Variants in RTN4R observed in about 807,000 individuals in gnomAD.
The protein encoded by RTN4R is reticulon 4 receptor.
Under a neutral mutation model 27.7 loss-of-function variants are expected in RTN4R, and 4 were observed. The observed-to-expected ratio is 0.14, with a 90% CI of 0.07 to 0.33. The LOEUF (loss-of-function observed/expected upper bound fraction) is 0.33. RTN4R is among the 10% of genes least tolerant of loss of function. The pLI is 1.00. For synonymous variants in RTN4R, 290 were observed against 305.6 expected, an observed-to-expected ratio of 0.95 and a Z score of 0.53; for missense variants, 554 against 671.5, an observed-to-expected ratio of 0.83 and a Z score of 1.93.
chr22:20,261,702 C>T (rs2051248253), intron 1 of RTN4R, among the ~76,000 whole-genome samples: 2 of 152,364 alleles, frequency 1.3e-5, no homozygotes, highest in African/African-American at 4.8e-5. Context: ...TGATCCTCCT[C>T]ACCGGCGCCT....
chr22:20,251,698 A>G (rs1364062653), intron 1 of RTN4R, among the ~76,000 whole-genome samples: 5 of 151,228 alleles, frequency 3.3e-5, no homozygotes, highest in African/African-American at 9.7e-5. Context: ...CATCACCATC[A>G]CTATCATCAT....
chr22:20,260,194 G>C (rs571262868), intron 1 of RTN4R, among the ~76,000 whole-genome samples: 127 of 152,196 alleles, frequency 8.3e-4, no homozygotes, highest in Admixed American at 1.1e-3. Flanking sequence ...GCCCTAGGGG[G>C]CTCATCTGTA....
In RTN4R at chr22:20,254,419, A is replaced by G. The variant is rs180752951; in HGVS notation, c.23-11309T>C. Among the ~76,000 whole-genome samples the G allele has an allele frequency of 2.2e-3, 330 of 150,076 alleles. 3 individuals carry two copies. In the Middle Eastern group the frequency reaches 0.034, roughly 15 times the overall value. ...ACTCCAGCCTGGGTGACAGAGTGAG[A>G]CTTTCTCCAAAAAAACACACAACAA... is the stretch of plus-strand genomic sequence containing the variant. On this transcript the variant is annotated intron_variant, in intron 1 of 1. Coordinates refer to ENST00000043402, the MANE Select transcript of RTN4R (RefSeq NM_023004.6).
At position 20,268,096 on chromosome 22, in the gene RTN4R, AG is replaced by A; in HGVS notation, c.-5del. ...CTCCAGCGGACGCCCTCTTCATCGT[AG>A]GGGTTGGGCGGGGCGCGTCGGGGAC... On this transcript the variant is annotated 5_prime_UTR_variant, in exon 1 of 2. Transcript: ENST00000043402. 8.8e-7 allele frequency: 1 copy of A among 1,134,346 alleles called. No individual in the cohort carries two copies. Among genetic ancestry groups the A allele is most frequent in the Non-Finnish European group, 1.1e-6 (1 of 923,430 alleles). The allele number at this position is 1,134,346 out of a possible 1,614,324, so 70.3% of individuals were successfully genotyped here.
At chr22:20,256,616 C>A (rs962733568) in intron 1 of RTN4R, among the ~76,000 whole-genome samples, 9 of 152,182 alleles carry the variant, frequency 5.9e-5, no homozygotes, top group Non-Finnish European at 1.3e-4. Flanking sequence ...TCTGTTAATG[C>A]ATATTTAAAA....
At chr22:20,247,752 G>T (rs1470908549) in intron 1 of RTN4R, among the ~76,000 whole-genome samples, 1 of 152,148 alleles carries the variant, frequency 6.6e-6, no homozygotes, top group African/African-American at 2.4e-5. Context: ...TGGCTGCAGG[G>T]GCAGGGTAGG....
chr22:20,253,854 A>G (rs1300131905), intron 1 of RTN4R, among the ~76,000 whole-genome samples: 1 of 150,854 alleles, frequency 6.6e-6, no homozygotes, highest in East Asian at 2.0e-4. Context: ...TAAAAAAAAA[A>G]TCAATACAAG....
At chr22:20,258,322 C>G (rs1443482644) in intron 1 of RTN4R, among the ~76,000 whole-genome samples, 1 of 152,186 alleles carries the variant, frequency 6.6e-6, no homozygotes, top group Non-Finnish European at 1.5e-5. Context: ...CCCCCAGCCC[C>G]ACCCCTGCCA....
At chr22:20,261,209 G>A (rs1381483472) in intron 1 of RTN4R, among the ~76,000 whole-genome samples, 2 of 152,208 alleles carry the variant, frequency 1.3e-5, no homozygotes, top group South Asian at 2.1e-4. Flanking sequence ...TCAGAGTCCA[G>A]CCTGGATCCC....
At chr22:20,250,326 T>C (rs937789866) in intron 1 of RTN4R, among the ~76,000 whole-genome samples, 2 of 152,260 alleles carry the variant, frequency 1.3e-5, no homozygotes, top group African/African-American at 4.8e-5. Flanking sequence ...TGTCCATGGC[T>C]GCTTTCCCGC....
intron 1 of RTN4R, among the ~76,000 whole-genome samples, chr22:20,259,726 G>A (rs1295785758): frequency 6.6e-6 from 1 of 152,168 alleles, no homozygotes; most frequent in Non-Finnish European, 1.5e-5. Context: ...TCCAGACCTG[G>A]GGCCAGTGTG....
chr22:20,244,613 G>C (rs932490102), intron 1 of RTN4R, among the ~76,000 whole-genome samples: 2 of 152,162 alleles, frequency 1.3e-5, no homozygotes, highest in Non-Finnish European at 2.9e-5. Context: ...ACCTGGCCTC[G>C]TGTTCTGTTT....
intron 1 of RTN4R, 142 bp downstream of exon 1, chr22:20,267,929 C>T: frequency 2.5e-6 from 1 of 402,204 alleles, no homozygotes; most frequent in Non-Finnish European, 3.9e-6. Context: ...TGGCGCGGCA[C>T]TGCGGTGGCT....
chr22:20,259,241 C>A lies in RTN4R; in HGVS notation c.22+8830G>T, dbSNP rs1440966573. ...GGGTGAAGAATGGACTCCATTAGGG[C>A]CGCCATCTGTCTCAGCCATGACGGG... On this transcript the variant is annotated intron_variant, in intron 1 of 1. Coordinates refer to ENST00000043402, the MANE Select transcript of RTN4R (RefSeq NM_023004.6). 5.9e-5 allele frequency among the ~76,000 whole-genome samples: 9 copies of A among 152,216 alleles called. No individual in the cohort carries two copies. The East Asian group carries it at 1.7e-3, about 29-fold the overall frequency.
At position 20,241,901 on chromosome 22, in the gene RTN4R, G is replaced by C. The variant is rs762831739; in HGVS notation, c.1232C>G (p.Ser411Trp). 31 of 1,605,928 alleles carry C rather than the reference G, an allele frequency of 1.9e-5. No homozygotes were observed. The highest frequency in any genetic ancestry group is 6.6e-5 in the South Asian group (6 of 90,960). The change falls in exon 2 of 2, where the codon TCG (serine) becomes TGG (tryptophan). Residue 411 changes from serine (S) to tryptophan (W), a missense_variant. Transcript: ENST00000043402. Reference sequence around the variant, plus strand: ...ACAGCCTGGCCTCCGGCGAGGGCCCGAGGTGGGGAACCCTGGTGGCTCGGA... The same window carrying C: ...ACAGCCTGGCCTCCGGCGAGGGCCCCAGGTGGGGAACCCTGGTGGCTCGGA... ...EGSEPPGFPTSGPRRRPGCSR... is the reference protein window; with the variant it reads ...EGSEPPGFPTWGPRRRPGCSR...
At position 20,241,514 on chromosome 22, in the gene RTN4R, T is replaced by C; in HGVS notation, c.*197A>G. ...CCGCGATCTGGGTGGGAGGCGGCGT[T>C]CTGGAACAAACGCTGCCGCCGAACC... On this transcript the variant is annotated 3_prime_UTR_variant, in exon 2 of 2. Coordinates refer to ENST00000043402, the MANE Select transcript of RTN4R (RefSeq NM_023004.6). 1 of 612,378 alleles carries C rather than the reference T, an allele frequency of 1.6e-6. No homozygotes were observed. The highest frequency in any genetic ancestry group is 4.4e-4 in the Middle Eastern group (1 of 2,274). The allele number at this position is 612,378 out of a possible 1,614,324, so 37.9% of individuals were successfully genotyped here.
chr22:20,249,078 C>A (rs2051159709), intron 1 of RTN4R: 2 of 529,974 alleles, frequency 3.8e-6, no homozygotes, highest in Non-Finnish European at 7.8e-6. Flanking sequence ...CCACCTGCTC[C>A]TCCATGCTCC....
chr22:20,253,089 T>TCTGGC (rs1332260729), intron 1 of RTN4R, among the ~76,000 whole-genome samples: 1 of 152,204 alleles, frequency 6.6e-6, no homozygotes, highest in Non-Finnish European at 1.5e-5. Flanking sequence ...GCAAGGCCAC[T>TCTGGC]CTGGCCTGGC....
chr22:20,256,717 C>A (rs2051214037), intron 1 of RTN4R, among the ~76,000 whole-genome samples: 1 of 152,268 alleles, frequency 6.6e-6, no homozygotes, highest in Admixed American at 6.5e-5. Context: ...CACTCCTCCA[C>A]TGGCTGCTTC....
Sources: gnomAD v4.1 joint callset for allele counts (sites outside exome capture counted in the v4.1 genomes callset) on GRCh38, gnomAD v4.1.1 for gene constraint, MANE v1.5 for transcripts, NCBI Gene and HGNC (gene_info 2026-07-23, HGNC 2026-07-21) for gene names.